Variants in CSNK1A1 observed in about 807,000 individuals in gnomAD.
CSNK1A1 encodes casein kinase 1 alpha 1.
In CSNK1A1, 7 loss-of-function variants were observed where a neutral mutation model predicts 46.1. The observed-to-expected ratio is 0.15, with a 90% CI of 0.09 to 0.29. CSNK1A1 has a LOEUF of 0.29. CSNK1A1 is among the 10% of genes least tolerant of loss of function. CSNK1A1 has a pLI of 1.00. For missense variants in CSNK1A1, 96 were observed against 417.1 expected (o/e 0.23, Z 6.71); for synonymous variants, 137 against 141.5 (o/e 0.97, Z 0.23).
At chr5:149,500,284 C>T (rs1175172627) in intron 9 of CSNK1A1, among the ~76,000 whole-genome samples, 2 of 151,990 alleles carry the variant, frequency 1.3e-5, no homozygotes, top group African/African-American at 2.4e-5. Context: ...ACTATAGGCG[C>T]CCGCCACCAC....
Position 149,495,907 on chromosome 5 carries a change from T to C in CSNK1A1, c.*946A>G, listed in dbSNP as rs927950020. The C allele has an allele frequency of 2.5e-4, 38 of 152,620 alleles. No homozygotes were observed. Among genetic ancestry groups the C allele is most frequent in the African/African-American group, 9.2e-4 (38 of 41,446 alleles). 9.5% of individuals were successfully genotyped at this position (152,620 alleles called of 1,614,324 possible). ...GTAACAAATGGCTTGAAGTAGTCTATCAAAAAATTGGGGAGATTTTTATTT... is the reference window on the plus strand; with the variant it reads ...GTAACAAATGGCTTGAAGTAGTCTACCAAAAAATTGGGGAGATTTTTATTT... On this transcript the variant is annotated 3_prime_UTR_variant, in exon 10 of 10. Transcript: ENST00000377843.
At chr5:149,498,319 T>C (rs1225612947) in intron 9 of CSNK1A1, 1 of 985,096 alleles carries the variant, frequency 1.0e-6, no homozygotes, top group East Asian at 1.1e-4. Flanking sequence ...AAGCACCAAA[T>C]GCCAAAAATG....
chr5:149,550,423 G>A lies in CSNK1A1; in HGVS notation c.124-242C>T, dbSNP rs1475176680. 2.5e-6 allele frequency: 3 copies of A among 1,222,978 alleles called. No individual in the cohort carries two copies. The highest frequency in any genetic ancestry group is 1.6e-5 in the African/African-American group (1 of 64,470). 75.8% of individuals were successfully genotyped at this position (1,222,978 alleles called of 1,614,324 possible). A position where few individuals can be genotyped will look rare whatever the true frequency, so the allele number is the denominator to read the frequency against. ...AAAATGATTCATCCAGAAAAAAGAG[G>A]CAACCTCTGAACGTAGTGAGAGGTT... On this transcript the variant is annotated intron_variant, in intron 1 of 9. Transcript: ENST00000377843. This position sits in a 1 kb window ranked among gnomAD's most constrained non-coding sequence, Gnocchi z 4.3.
chr5:149,551,030 G>A lies in CSNK1A1; in HGVS notation c.-66C>T. ...CCTCTGGGAAGAGGACGGAGGCCTC[G>A]GGGCTCCTACACTAGGCAAGGCTAC... On this transcript the variant is annotated 5_prime_UTR_variant, in exon 1 of 10. Transcript: ENST00000377843. 5 of 1,587,842 alleles carry A rather than the reference G, an allele frequency of 3.1e-6. No homozygotes were observed. In the South Asian group the frequency reaches 3.3e-5, roughly 11 times the overall value.
At chr5:149,498,050 T>C (rs1760712114) in intron 9 of CSNK1A1, 1 of 869,566 alleles carries the variant, frequency 1.2e-6, no homozygotes, top group Non-Finnish European at 1.4e-6. Flanking sequence ...GCCAGGCTGG[T>C]CTCAAACTCC....
intron 3 of CSNK1A1, among the ~76,000 whole-genome samples, chr5:149,521,514 T>C (rs1761570070): frequency 6.6e-6 from 1 of 152,066 alleles, no homozygotes; most frequent in Non-Finnish European, 1.5e-5. Context: ...CTTGAACTCC[T>C]GGGTTCAGGA....
At chr5:149,549,028 T>C (rs1196154817) in intron 2 of CSNK1A1, among the ~76,000 whole-genome samples, 4 of 152,226 alleles carry the variant, frequency 2.6e-5, no homozygotes, top group Non-Finnish European at 5.9e-5. Flanking sequence ...CCCTCCAAAG[T>C]AAAGTTAACC....
chr5:149,547,932 G>A (rs140642786), intron 2 of CSNK1A1, among the ~76,000 whole-genome samples: 7,753 of 151,658 alleles, frequency 0.051, 256 homozygotes, highest in Non-Finnish European at 0.079. Flanking sequence ...GTGCAGTGGC[G>A]CCATCTCAGC....
chr5:149,520,262 T>G (rs201427223), intron 4 of CSNK1A1, 28 bp downstream of exon 4: 3 of 1,355,078 alleles, frequency 2.2e-6, no homozygotes, highest in Non-Finnish European at 3.1e-6. Flanking sequence ...TACTCTTTGT[T>G]CTTTCATGCA....
chr5:149,544,391 G>A (rs189700651), intron 2 of CSNK1A1, among the ~76,000 whole-genome samples: 2 of 152,098 alleles, frequency 1.3e-5, no homozygotes, highest in East Asian at 1.9e-4. Context: ...GTCATTGCAC[G>A]GTGGCTGATG....
At chr5:149,540,891 A>G (rs1762207197) in intron 2 of CSNK1A1, among the ~76,000 whole-genome samples, 1 of 151,870 alleles carries the variant, frequency 6.6e-6, no homozygotes, top group African/African-American at 2.4e-5. Flanking sequence ...CAGCCTGGCC[A>G]ATACGGTGAA....
intron 9 of CSNK1A1, chr5:149,498,110 G>A: frequency 1.0e-6 from 1 of 985,048 alleles, no homozygotes; most frequent in Non-Finnish European, 1.2e-6. Context: ...GGGGTTACAG[G>A]TGGGAGCCAC....
chr5:149,529,463 GAC>G, intron 2 of CSNK1A1: 1 of 234,598 alleles, frequency 4.3e-6, no homozygotes, highest in Non-Finnish European at 8.7e-6. Context: ...CAATGAGGCT[GAC>G]AAAAAATGCT....
intron 9 of CSNK1A1, chr5:149,502,826 C>T (rs1297864804): frequency 4.5e-6 from 4 of 898,188 alleles, no homozygotes; most frequent in Non-Finnish European, 5.3e-6. Context: ...TGGAGTGCAG[C>T]GGCACAATCT....
intron 9 of CSNK1A1, chr5:149,497,522 A>T: frequency 8.1e-6 from 8 of 985,610 alleles, no homozygotes; most frequent in Non-Finnish European, 9.6e-6. Context: ...CTCCACCACA[A>T]GTAGACCCTA....
At chr5:149,546,691 T>C (rs1397993177) in intron 2 of CSNK1A1, among the ~76,000 whole-genome samples, 1 of 151,576 alleles carries the variant, frequency 6.6e-6, no homozygotes, top group African/African-American at 2.4e-5. Context: ...GGGAAGGGAT[T>C]GAACAAATTT....
intron 8 of CSNK1A1, among the ~76,000 whole-genome samples, chr5:149,506,395 C>T (rs748632298): frequency 6.6e-6 from 1 of 152,012 alleles, no homozygotes; most frequent in Non-Finnish European, 1.5e-5. Context: ...CACCACCTCA[C>T]CCGGCTAATT....
intron 2 of CSNK1A1, chr5:149,545,783 T>C (rs6883553): frequency 1.7e-6 from 1 of 582,474 alleles, no homozygotes; most frequent in Non-Finnish European, 3.2e-6. Flanking sequence ...TGTGGTGTGG[T>C]TCGTGGACTT....
In CSNK1A1 at chr5:149,498,206, A is replaced by C; in HGVS notation, c.1007-1346T>G. On this transcript the variant is annotated intron_variant, in intron 9 of 9. Transcript: ENST00000377843. ...GAGAAACAAAATAATTCTAATATTTATTTCTTATGCATATATGCCCCTTTT... is the reference window on the plus strand; with the variant it reads ...GAGAAACAAAATAATTCTAATATTTCTTTCTTATGCATATATGCCCCTTTT... 6.1e-6 allele frequency: 6 copies of C among 984,864 alleles called. No individual in the cohort carries two copies. The South Asian group carries it at 1.9e-4, about 31-fold the overall frequency. The allele number at this position is 984,864 out of a possible 1,614,324, so 61.0% of individuals were successfully genotyped here. A position where few individuals can be genotyped will look rare whatever the true frequency, so the allele number is the denominator to read the frequency against.
Sources: gnomAD v4.1 joint callset for allele counts (sites outside exome capture counted in the v4.1 genomes callset) on GRCh38, gnomAD v4.1.1 for gene constraint, Gnocchi (gnomAD v3.1) non-coding constraint, MANE v1.5 for transcripts, NCBI Gene and HGNC (gene_info 2026-07-23, HGNC 2026-07-21) for gene names.